The following FRMD4A variants were observed in gnomAD, a reference collection of about 807,000 sequenced individuals.
The protein encoded by FRMD4A is FERM domain-containing protein 4A.
In FRMD4A, 29 loss-of-function variants were observed where a neutral mutation model predicts 129.1. The ratio of observed to expected loss-of-function variants is 0.22; its 90% CI spans 0.17 to 0.31. The LOEUF (loss-of-function observed/expected upper bound fraction) is 0.31, where lower values mean the gene tolerates loss of function less well. FRMD4A is among the 10% of genes least tolerant of loss of function. FRMD4A has a pLI of 1.00. For synonymous variants in FRMD4A, 634 were observed against 571.6 expected (o/e 1.11, Z -1.56); for missense variants, 1,272 against 1,375.8 (o/e 0.92, Z 1.19).
In FRMD4A at chr10:13,739,084, C is replaced by A. The variant is rs117877747; in HGVS notation, c.672+1110G>T. On this transcript the variant is annotated intron_variant, in intron 11 of 24. Transcript: ENST00000357447. Reference sequence around the variant, plus strand: ...TGCCAAGTTTCTAAATAACCTAATACAACCCCATAGTGGGTGTCTGGAAAA... The same window carrying A: ...TGCCAAGTTTCTAAATAACCTAATAAAACCCCATAGTGGGTGTCTGGAAAA... 1.6e-4 allele frequency among the ~76,000 whole-genome samples: 25 copies of A among 152,318 alleles called. No individual in the cohort carries two copies. In the East Asian group the frequency reaches 4.6e-3, roughly 28 times the overall value.
intron 2 of FRMD4A, among the ~76,000 whole-genome samples, chr10:14,113,543 T>C (rs182270342): frequency 2.0e-5 from 3 of 152,170 alleles, no homozygotes; most frequent in Admixed American, 2.0e-4. Context: ...CAGTAGACTA[T>C]TAGTAGTTAA....
At chr10:13,910,074 T>C (rs2131223057) in intron 2 of FRMD4A, among the ~76,000 whole-genome samples, 1 of 152,372 alleles carries the variant, frequency 6.6e-6, no homozygotes, top group Admixed American at 6.5e-5. Flanking sequence ...CCTTCCTGTT[T>C]CACGGCTTTG....
At chr10:14,080,351 C>T (rs1835856783) in intron 2 of FRMD4A, among the ~76,000 whole-genome samples, 1 of 152,150 alleles carries the variant, frequency 6.6e-6, no homozygotes, top group Non-Finnish European at 1.5e-5. Flanking sequence ...CGCTTCTTCT[C>T]CCATGTTGTT....
At chr10:13,748,698 T>C (rs1210737740) in intron 8 of FRMD4A, among the ~76,000 whole-genome samples, 1 of 152,008 alleles carries the variant, frequency 6.6e-6, no homozygotes, top group East Asian at 1.9e-4. Flanking sequence ...ATCAGAAATG[T>C]GCCAGAATCT....
intron 18 of FRMD4A, among the ~76,000 whole-genome samples, chr10:13,665,114 C>T (rs980042149): frequency 9.2e-5 from 14 of 152,224 alleles, no homozygotes; most frequent in South Asian, 2.1e-4. Flanking sequence ...TCAGGTGATC[C>T]GCCCGCCTCA....
intron 4 of FRMD4A, among the ~76,000 whole-genome samples, chr10:13,800,442 A>C (rs934411955): frequency 3.3e-5 from 5 of 152,238 alleles, no homozygotes; most frequent in Non-Finnish European, 7.3e-5. Context: ...TATTCTCACA[A>C]GACAAGGCTT....
chr10:13,776,018 G>A (rs1451021187), intron 6 of FRMD4A, among the ~76,000 whole-genome samples: 1 of 152,214 alleles, frequency 6.6e-6, no homozygotes, highest in Non-Finnish European at 1.5e-5. Context: ...TATGACTACG[G>A]CTTTAAGCCA....
At chr10:14,272,319 C>T (rs1845188596) in intron 2 of FRMD4A, among the ~76,000 whole-genome samples, 1 of 152,160 alleles carries the variant, frequency 6.6e-6, no homozygotes, top group Admixed American at 6.5e-5. Flanking sequence ...CAGAAGGAAT[C>T]ACATGACCCT....
At chr10:13,735,691 TG>T (rs2090588260) in intron 12 of FRMD4A, among the ~76,000 whole-genome samples, 1 of 152,240 alleles carries the variant, frequency 6.6e-6, no homozygotes, top group Non-Finnish European at 1.5e-5. Flanking sequence ...AGATTTCAAC[TG>T]CTGGATTTTA....
At chr10:14,319,920 G>A (rs1846910205) in intron 2 of FRMD4A, among the ~76,000 whole-genome samples, 1 of 152,032 alleles carries the variant, frequency 6.6e-6, no homozygotes, top group Non-Finnish European at 1.5e-5. Context: ...TGGCTTGTAT[G>A]TGTCATGGTC....
At chr10:14,044,419 G>A (rs530758184) in intron 2 of FRMD4A, among the ~76,000 whole-genome samples, 61 of 152,298 alleles carry the variant, frequency 4.0e-4, no homozygotes, top group African/African-American at 1.4e-3. Flanking sequence ...TTGGAAATAG[G>A]TTCTTTGTAC....
chr10:13,868,043 C>G (rs1029795325), intron 2 of FRMD4A, among the ~76,000 whole-genome samples: 2 of 149,554 alleles, frequency 1.3e-5, no homozygotes, highest in East Asian at 3.9e-4. Flanking sequence ...TGCTTGAGCC[C>G]AGGAGTTCGA....
intron 2 of FRMD4A, among the ~76,000 whole-genome samples, chr10:14,158,314 G>A (rs978435080): frequency 6.6e-6 from 1 of 152,160 alleles, no homozygotes; most frequent in African/African-American, 2.4e-5. Context: ...AATTCAGTCA[G>A]AAGATAGCCT....
intron 2 of FRMD4A, among the ~76,000 whole-genome samples, chr10:14,266,499 CTG>C (rs56663050): frequency 0.33 from 49,249 of 150,210 alleles, 8,673 homozygotes; most frequent in East Asian, 0.4. Flanking sequence ...ATGTTGTGCT[CTG>C]TGTGTGTGTG....
At chr10:13,796,957 T>C (rs1222675890) in intron 4 of FRMD4A, among the ~76,000 whole-genome samples, 5 of 152,166 alleles carry the variant, frequency 3.3e-5, no homozygotes, top group African/African-American at 7.2e-5. Flanking sequence ...TGACCTCAGG[T>C]GATCCGCCCA....
intron 14 of FRMD4A, among the ~76,000 whole-genome samples, chr10:13,700,441 C>A (rs1018701582): frequency 1.3e-5 from 2 of 152,206 alleles, no homozygotes; most frequent in Admixed American, 6.5e-5. Flanking sequence ...AGAACTCACG[C>A]GATGGAGGGA....
chr10:14,291,243 G>A (rs1281897125), intron 2 of FRMD4A, among the ~76,000 whole-genome samples: 1 of 152,130 alleles, frequency 6.6e-6, no homozygotes, highest in Non-Finnish European at 1.5e-5. Flanking sequence ...TCTAAAATTT[G>A]TAATGACTTT....
intron 2 of FRMD4A, among the ~76,000 whole-genome samples, chr10:13,884,120 A>ACG: frequency 8.7e-6 from 1 of 114,346 alleles, no homozygotes; most frequent in East Asian, 2.7e-4. Flanking sequence ...ACACACACAC[A>ACG]CTCACACACA....
At chr10:13,689,549 C>CTTTTTTTTTTTTTTTTTTTTTTT (rs34800095) in intron 15 of FRMD4A, among the ~76,000 whole-genome samples, 3 of 128,632 alleles carry the variant, frequency 2.3e-5, no homozygotes, top group Admixed American at 8.0e-5. Context: ...TTAGAAGATT[C>CTTTTTTTTTTTTTTTTTTTTTTT]TTTTTTTTTT....
Sources: gnomAD v4.1 joint callset for allele counts (sites outside exome capture counted in the v4.1 genomes callset) on GRCh38, gnomAD v4.1.1 for gene constraint, MANE v1.5 for transcripts, NCBI Gene and HGNC (gene_info 2026-07-23, HGNC 2026-07-21) for gene names.